Variants in RYR2 observed in about 807,000 individuals in gnomAD.
RYR2 encodes the protein cardiac muscle ryanodine receptor-calcium release channel.
RYR2 carries 227 observed loss-of-function variants against 601.1 expected under a neutral mutation model. That is an observed-to-expected ratio of 0.38 (90% CI 0.34 to 0.42). RYR2 has a LOEUF of 0.42. RYR2 is among the 10% of genes least tolerant of loss of function. RYR2 has a pLI of 1.00. For missense variants in RYR2, 4,646 were observed against 6,156.5 expected, an observed-to-expected ratio of 0.75 and a Z score of 8.21; for synonymous variants, 2,223 against 2,175.1, an observed-to-expected ratio of 1.02 and a Z score of -0.61.
intron 1 of RYR2, among the ~76,000 whole-genome samples, chr1:237,241,464 G>A (rs528274171): frequency 6.6e-6 from 1 of 152,260 alleles, no homozygotes; most frequent in East Asian, 1.9e-4. Context: ...AGTGATATGT[G>A]GAACTATATC....
In RYR2 at chr1:237,503,477, T is replaced by A; in HGVS notation, c.2585T>A (p.Phe862Tyr). 1 of 1,613,842 alleles carries A rather than the reference T, an allele frequency of 6.2e-7. No homozygotes were observed. Residue 862 changes from phenylalanine to tyrosine, a missense_variant, in exon 22 of 105, where the codon TTC (phenylalanine) becomes TAC (tyrosine). This residue lies in a region of RYR2 where 1,807 missense variants were observed against 2,088.1 expected (regional missense o/e 0.87). Coordinates refer to ENST00000366574, the MANE Select transcript of RYR2 (RefSeq NM_001035.3). ...GPTVSLTQAA[F>Y]TPIPVDTSQI... ...ACAGTTTCCCTGACGCAAGCTGCCTTCACACCCATCCCTGTGGATACCAGC... is the reference window on the plus strand; with the variant it reads ...ACAGTTTCCCTGACGCAAGCTGCCTACACACCCATCCCTGTGGATACCAGC...
Position 237,798,135 on chromosome 1 carries a change from G to C in RYR2, c.14055G>C (p.Lys4685Asn), listed in dbSNP as rs765409439. Residue 4685 changes from lysine to asparagine, a missense_variant, in exon 97 of 105, where the codon AAG becomes AAC. Lys to Asn is a moderately conservative substitution (Grantham distance 94). Coordinates refer to ENST00000366574, the MANE Select transcript of RYR2 (RefSeq NM_001035.3). ...AALDFSDARE[K>N]KKPKKDSSLS... is the part of the protein sequence containing the mutation. Reference sequence around the variant, plus strand: ...TGGACTTCAGTGATGCCAGAGAAAAGAAGAAGCCAAAGAAAGACAGCTCCT... The same window carrying C: ...TGGACTTCAGTGATGCCAGAGAAAACAAGAAGCCAAAGAAAGACAGCTCCT... 3 of 1,612,340 alleles carry C rather than the reference G, an allele frequency of 1.9e-6. No homozygotes were observed. The highest frequency in any genetic ancestry group is 2.5e-6 in the Non-Finnish European group (3 of 1,179,180).
chr1:237,573,237 C>T (rs75924865), intron 29 of RYR2, among the ~76,000 whole-genome samples: 2 of 59,682 alleles, frequency 3.4e-5, no homozygotes, highest in Admixed American at 4.7e-4. Flanking sequence ...CACATACACA[C>T]ACACACACAC....
At chr1:237,193,516 A>G (rs1010423877) in intron 1 of RYR2, among the ~76,000 whole-genome samples, 2 of 152,170 alleles carry the variant, frequency 1.3e-5, no homozygotes, top group Non-Finnish European at 2.9e-5. Flanking sequence ...ACTTGTCACA[A>G]TGGTGATGTT....
chr1:237,634,213 G>A (rs1680631972), intron 43 of RYR2, among the ~76,000 whole-genome samples: 1 of 152,126 alleles, frequency 6.6e-6, no homozygotes, highest in African/African-American at 2.4e-5. Flanking sequence ...ATCAACCTAA[G>A]TGTTCATCAG....
chr1:237,214,573 T>C (rs1682959349), intron 1 of RYR2, among the ~76,000 whole-genome samples: 1 of 152,196 alleles, frequency 6.6e-6, no homozygotes, highest in Admixed American at 6.5e-5. Flanking sequence ...ATGAGAGCTC[T>C]GCCCCTATGT....
chr1:237,591,037 G>A (rs1240095838), intron 31 of RYR2, 45 bp downstream of exon 31: 1 of 1,548,670 alleles, frequency 6.5e-7, no homozygotes, highest in Non-Finnish European at 8.7e-7. Flanking sequence ...AGTTATGTGA[G>A]GAAGGTTACA....
At chr1:237,591,078 T>A (rs182825752) in intron 31 of RYR2, 86 bp downstream of exon 31, 1 of 1,059,980 alleles carries the variant, frequency 9.4e-7, no homozygotes, top group Non-Finnish European at 1.3e-6. Flanking sequence ...TAGTGTAAAT[T>A]TTTTCCTCCT....
chr1:237,172,130 A>G (rs896073020), intron 1 of RYR2, among the ~76,000 whole-genome samples: 13 of 152,366 alleles, frequency 8.5e-5, no homozygotes, highest in Admixed American at 5.9e-4. Flanking sequence ...TAATTAAATC[A>G]TGGTTTAATT....
chr1:237,687,792 CA>C (rs1372971685), intron 63 of RYR2, among the ~76,000 whole-genome samples: 1 of 152,108 alleles, frequency 6.6e-6, no homozygotes, highest in Non-Finnish European at 1.5e-5. Flanking sequence ...TATTTTATCT[CA>C]GGGGTAAAAA....
chr1:237,568,094 G>A (rs183579060), intron 28 of RYR2, among the ~76,000 whole-genome samples: 1 of 152,210 alleles, frequency 6.6e-6, no homozygotes, highest in East Asian at 1.9e-4. Context: ...AGTAACCTGA[G>A]GAAGTTAAAA....
At chr1:237,198,848 T>C (rs1558410384) in intron 1 of RYR2, among the ~76,000 whole-genome samples, 1 of 152,030 alleles carries the variant, frequency 6.6e-6, no homozygotes. Context: ...TTATCTTTTT[T>C]TTTTTTATTT....
In RYR2 at chr1:237,614,100, C is replaced by T. The variant is rs767540663; in HGVS notation, c.4972C>T (p.Leu1658Phe). 11 of 1,614,050 alleles carry T rather than the reference C, an allele frequency of 6.8e-6. No individual in the cohort carries two copies. Among genetic ancestry groups the T allele is most frequent in the Non-Finnish European group, 8.5e-6 (10 of 1,179,900 alleles). The change falls in exon 37 of 105, where the codon CTC (leucine) becomes TTC (phenylalanine). Residue 1658 changes from leucine to phenylalanine, a missense_variant. Physicochemically the swap from Leu to Phe is conservative, Grantham distance 22 (BLOSUM62 0). Coordinates refer to ENST00000366574, the MANE Select transcript of RYR2 (RefSeq NM_001035.3). This position sits in a 1 kb window ranked among gnomAD's most constrained non-coding sequence, Gnocchi z 4.3. ...EELLKFHYHT[L>F]RLYSAVCALG... ...ATTGCTGAAATTTCACTATCACACT[C>T]TCCGGCTCTACTCAGCCGTCTGTGC...
rs1450011599 is a variant in RYR2 at position 237,077,862 on chromosome 1, C to A, written c.48+35293C>A. Among the ~76,000 whole-genome samples the A allele has an allele frequency of 2.1e-5, 3 of 141,220 alleles. No individual in the cohort carries two copies. The Admixed American group carries it at 2.2e-4, about 10-fold the overall frequency. 92.6% of individuals were successfully genotyped at this position (141,220 alleles called of 152,430 possible). On this transcript the variant is annotated intron_variant, in intron 1 of 104. Transcript: ENST00000366574. ...CACACCACACCTATTCCAAAATTGG[C>A]CACATAGTTGGAAGTAAAGCTCTCC...
intron 73 of RYR2, 146 bp from the exon 74 acceptor site, chr1:237,722,982 C>T (rs1689874954): frequency 6.3e-6 from 4 of 633,850 alleles, no homozygotes; most frequent in East Asian, 2.6e-5. Context: ...GTTCATCCTA[C>T]ATAACTGCAG....
intron 18 of RYR2, among the ~76,000 whole-genome samples, chr1:237,492,214 T>C (rs990547984): frequency 6.6e-6 from 1 of 152,178 alleles, no homozygotes; most frequent in Admixed American, 6.5e-5. Context: ...GTATTTTTAG[T>C]AGAGACAGGG....
At chr1:237,176,250 T>C (rs57135606) in intron 1 of RYR2, among the ~76,000 whole-genome samples, 1 of 109,144 alleles carries the variant, frequency 9.2e-6, no homozygotes, top group East Asian at 2.3e-4. Context: ...ATGAAAAAAA[T>C]ATATATATAT....
intron 1 of RYR2, among the ~76,000 whole-genome samples, chr1:237,169,519 C>G (rs796423149): frequency 4.7e-5 from 5 of 105,434 alleles, no homozygotes; most frequent in African/African-American, 1.6e-4. Context: ...AGGCTGGTCT[C>G]GAACTCCTGA....
chr1:237,827,457 A>G (rs1663228762), intron 101 of RYR2, among the ~76,000 whole-genome samples: 1 of 152,032 alleles, frequency 6.6e-6, no homozygotes, highest in Non-Finnish European at 1.5e-5. Context: ...CAACAAGACG[A>G]AACCCTGTCT....
Sources: gnomAD v4.1 joint callset for allele counts (sites outside exome capture counted in the v4.1 genomes callset) on GRCh38, gnomAD v4.1.1 for gene constraint, gnomAD v4.1.1 regional missense constraint, Gnocchi (gnomAD v3.1) non-coding constraint, MANE v1.5 for transcripts, NCBI Gene and HGNC (gene_info 2026-07-23, HGNC 2026-07-21) for gene names.